The following FAM124B variants were observed in gnomAD, a reference collection of about 807,000 sequenced individuals.
FAM124B encodes the protein protein FAM124B.
Under a neutral mutation model 19.7 loss-of-function variants are expected in FAM124B, and 18 were observed. The observed-to-expected ratio is 0.92, with a 90% CI of 0.63 to 1.36. The LOEUF (loss-of-function observed/expected upper bound fraction) is 1.36, where lower values mean the gene tolerates loss of function less well. FAM124B is among the 40% of genes most tolerant of loss of function. FAM124B has a pLI of 0.00. For synonymous variants in FAM124B, 223 were observed against 225.2 expected (o/e 0.99, Z 0.09); for missense variants, 540 against 553.3 (o/e 0.98, Z 0.24).
chr2:224,382,500 G>A (rs1244958695), intron 1 of FAM124B, among the ~76,000 whole-genome samples: 3 of 141,954 alleles, frequency 2.1e-5, no homozygotes, highest in Admixed American at 1.5e-4. Context: ...ACCTCCACCT[G>A]CCAGGTTCAA....
At chr2:224,393,815 C>T (rs1350109727) in intron 1 of FAM124B, among the ~76,000 whole-genome samples, 4 of 152,198 alleles carry the variant, frequency 2.6e-5, no homozygotes, top group Non-Finnish European at 5.9e-5. Flanking sequence ...TCTTTGTCCT[C>T]AACTCTTCAG....
chr2:224,384,929 C>T (rs1689779406), intron 1 of FAM124B, among the ~76,000 whole-genome samples: 1 of 152,156 alleles, frequency 6.6e-6, no homozygotes, highest in African/African-American at 2.4e-5. Context: ...CTTTCTCTCT[C>T]TCTGCCTATT....
Position 224,379,056 on chromosome 2 carries a change from G to A in FAM124B, c.*517C>T, listed in dbSNP as rs1430447894. The A allele has an allele frequency of 1.3e-5, 2 of 152,970 alleles. No individual in the cohort carries two copies. The highest frequency in any genetic ancestry group is 3.9e-4 in the East Asian group (2 of 5,184). The allele number at this position is 152,970 out of a possible 1,614,324, so 9.5% of individuals were successfully genotyped here. A position where few individuals can be genotyped will look rare whatever the true frequency, so the allele number is the denominator to read the frequency against. ...ACACTTTGCATTTTCACTCATTCCA[G>A]ATACAAACAACTTTAAAGACAAAAT... On this transcript the variant is annotated 3_prime_UTR_variant, in exon 2 of 2. Coordinates refer to ENST00000409685, the MANE Select transcript of FAM124B (RefSeq NM_001122779.2).
intron 1 of FAM124B, among the ~76,000 whole-genome samples, chr2:224,384,856 T>C (rs2106078568): frequency 6.6e-6 from 1 of 152,298 alleles, no homozygotes; most frequent in Non-Finnish European, 1.5e-5. Context: ...GACCCTGACC[T>C]ATCAATTATT....
Position 224,401,439 on chromosome 2 carries a change from A to G in FAM124B, c.330T>C (p.Phe110=), listed in dbSNP as rs1690071088. 6.2e-7 allele frequency: 1 copy of G among 1,613,988 alleles called. No homozygotes were observed. Among genetic ancestry groups the G allele is most frequent in the Non-Finnish European group, 8.5e-7 (1 of 1,179,984 alleles). The stretch of plus-strand genomic sequence containing the variant: ...GGCTGTAGAACTCCTGATTGGCAAA[A>G]AAGTAGGGACACAGCCTTCCCCGAG... ...QDTRGRLCPY[F]FANQEFYSLD... Residue 110 remains phenylalanine, a synonymous_variant, in exon 1 of 2, where the codon TTT becomes TTC. Coordinates refer to ENST00000409685, the MANE Select transcript of FAM124B (RefSeq NM_001122779.2).
intron 1 of FAM124B, among the ~76,000 whole-genome samples, chr2:224,394,618 T>C (rs771476732): frequency 3.5e-4 from 54 of 152,194 alleles, no homozygotes; most frequent in Non-Finnish European, 7.3e-4. Flanking sequence ...TATGAGCATG[T>C]CTGCCCCTTC....
At chr2:224,392,572 T>C (rs767850719) in intron 1 of FAM124B, among the ~76,000 whole-genome samples, 6 of 152,156 alleles carry the variant, frequency 3.9e-5, no homozygotes, top group South Asian at 2.1e-4. Flanking sequence ...CTGGGCAACA[T>C]GGCAAAACCC....
intron 1 of FAM124B, chr2:224,400,478 T>C: frequency 1.4e-6 from 1 of 696,666 alleles, no homozygotes; most frequent in Non-Finnish European, 2.6e-6. Flanking sequence ...CGCACTCGAG[T>C]CTGGGCAACA....
At chr2:224,390,704 G>T (rs4673102) in intron 1 of FAM124B, among the ~76,000 whole-genome samples, 4,160 of 64,716 alleles carry the variant, frequency 0.064, 163 homozygotes, top group East Asian at 0.2. Flanking sequence ...TTTTTTTTTT[G>T]TTTGTTTGTT....
chr2:224,399,427 T>A (rs1690026633), intron 1 of FAM124B: 1 of 152,216 alleles, frequency 6.6e-6, no homozygotes, highest in African/African-American at 2.4e-5. Context: ...GATTCATGTT[T>A]TATTAACAAG....
At chr2:224,393,979 G>C (rs1260059109) in intron 1 of FAM124B, among the ~76,000 whole-genome samples, 1 of 152,102 alleles carries the variant, frequency 6.6e-6, no homozygotes, top group Admixed American at 6.6e-5. Context: ...CAAGCAACTG[G>C]GGGCCCAGTG....
In FAM124B at chr2:224,401,873, C is replaced by T. The variant is rs1040525168; in HGVS notation, c.-105G>A. ...GCCCAGCCTTCAGCCCGCCTGAAAA[C>T]CTTCAGCTGCAGCGGCTACTTCTGA... On this transcript the variant is annotated 5_prime_UTR_variant, in exon 1 of 2. Coordinates refer to ENST00000409685, the MANE Select transcript of FAM124B (RefSeq NM_001122779.2). 1.5e-6 allele frequency: 2 copies of T among 1,352,660 alleles called. No homozygotes were observed. Among genetic ancestry groups the T allele is most frequent in the African/African-American group, 2.9e-5 (2 of 68,296 alleles). 83.8% of individuals were successfully genotyped at this position (1,352,660 alleles called of 1,614,324 possible).
chr2:224,379,847 G>A lies in FAM124B; in HGVS notation c.1094C>T (p.Thr365Ile). The A allele has an allele frequency of 1.3e-6, 2 of 1,552,168 alleles. No homozygotes were observed. Among genetic ancestry groups the A allele is most frequent in the Non-Finnish European group, 1.7e-6 (2 of 1,147,104 alleles). ...TTCAGAATTTATGATGGTCAAGCCGGTGTCAACATTCGTCTCGGCCTCAAG... is the reference window on the plus strand; with the variant it reads ...TTCAGAATTTATGATGGTCAAGCCGATGTCAACATTCGTCTCGGCCTCAAG... ...QKLEAETNVDTGLTIINSEPR... is the reference protein window; with the variant it reads ...QKLEAETNVDIGLTIINSEPR... Residue 365 changes from threonine to isoleucine, a missense_variant, in exon 2 of 2, where the codon ACC (threonine) becomes ATC (isoleucine). Transcript: ENST00000409685.
chr2:224,401,525 G>T lies in FAM124B; in HGVS notation c.244C>A (p.Leu82Ile). 6.2e-7 allele frequency: 1 copy of T among 1,614,102 alleles called. No individual in the cohort carries two copies. Residue 82 changes from leucine (L) to isoleucine (I), a missense_variant, in exon 1 of 2, where the codon CTA (leucine) becomes ATA (isoleucine). Physicochemically the swap from Leu to Ile is conservative, Grantham distance 5 (BLOSUM62 2). Coordinates refer to ENST00000409685, the MANE Select transcript of FAM124B (RefSeq NM_001122779.2). ...TGGAGAGAGTCCAGGACGCGAAATA[G>T]CCTATCCTCTCCCGGGCTTTCGTGC... is the stretch of plus-strand genomic sequence containing the variant. ...FLHESPGEDRLFRVLDSLQHS... is the reference protein window; with the variant it reads ...FLHESPGEDRIFRVLDSLQHS...
At chr2:224,382,964 G>T (rs1689746836) in intron 1 of FAM124B, among the ~76,000 whole-genome samples, 1 of 152,106 alleles carries the variant, frequency 6.6e-6, no homozygotes, top group South Asian at 2.1e-4. Context: ...AACCACAGCT[G>T]AGTGCAGTGC....
At position 224,379,803 on chromosome 2, in the gene FAM124B, C is replaced by G. The variant is rs1689684469; in HGVS notation, c.1138G>C (p.Gly380Arg). ...INSEPRQTYF[G>R]GFPRDLQTSQ... ...GTCTGTAAATCCCTTGGAAATCCGC[C>G]AAAATAAGTCTGCCTGGGTTCAGAA... is the stretch of plus-strand genomic sequence containing the variant. Residue 380 changes from glycine to arginine, a missense_variant, in exon 2 of 2, where the codon GGC becomes CGC. Gly to Arg is a moderately radical substitution (Grantham distance 125). Coordinates refer to ENST00000409685, the MANE Select transcript of FAM124B (RefSeq NM_001122779.2). 6.4e-7 allele frequency: 1 copy of G among 1,551,642 alleles called. No individual in the cohort carries two copies. Among genetic ancestry groups the G allele is most frequent in the Non-Finnish European group, 8.7e-7 (1 of 1,147,018 alleles).
At chr2:224,397,082 T>C (rs1689984353) in intron 1 of FAM124B, among the ~76,000 whole-genome samples, 1 of 152,206 alleles carries the variant, frequency 6.6e-6, no homozygotes, top group Non-Finnish European at 1.5e-5. Flanking sequence ...CAGAGTGATA[T>C]GGTTTGGCTG....
intron 1 of FAM124B, among the ~76,000 whole-genome samples, chr2:224,391,069 G>C (rs1358954905): frequency 6.6e-6 from 1 of 150,496 alleles, no homozygotes; most frequent in Non-Finnish European, 1.5e-5. Flanking sequence ...TTGGCAGGGT[G>C]CGGTGGCTCA....
At chr2:224,388,798 G>A (rs1362384635) in intron 1 of FAM124B, among the ~76,000 whole-genome samples, 1 of 152,200 alleles carries the variant, frequency 6.6e-6, no homozygotes, top group Non-Finnish European at 1.5e-5. Flanking sequence ...AAAATGGTAA[G>A]TTTTTGTCTC....
Sources: allele counts gnomAD v4.1 joint callset (sites outside exome capture counted in the v4.1 genomes callset), GRCh38; gene constraint gnomAD v4.1.1; transcripts MANE v1.5; gene names NCBI Gene and HGNC (gene_info 2026-07-23, HGNC 2026-07-21).